STK32B: variants seen among roughly 807,000 people sequenced by gnomAD.
STK32B encodes the protein serine/threonine-protein kinase 32B.
Under a neutral mutation model 52.6 loss-of-function variants are expected in STK32B, and 43 were observed. That is an observed-to-expected ratio of 0.82 (90% CI 0.64 to 1.05). The LOEUF (loss-of-function observed/expected upper bound fraction) is 1.05, where lower values mean the gene tolerates loss of function less well. Ranked by LOEUF, STK32B falls within the 50% of genes least tolerant of loss-of-function variation. The pLI is 0.00. For missense variants in STK32B, 621 were observed against 534.6 expected (o/e 1.16, Z -1.59); for synonymous variants, 238 against 204.3 (o/e 1.17, Z -1.41).
intron 3 of STK32B, among the ~76,000 whole-genome samples, chr4:5,258,212 T>C (rs1726463268): frequency 1.3e-5 from 2 of 152,168 alleles, no homozygotes; most frequent in African/African-American, 2.4e-5. Context: ...TATAGTGATA[T>C]TGAGAAGTGA....
intron 3 of STK32B, among the ~76,000 whole-genome samples, chr4:5,282,649 A>G (rs969944697): frequency 1.3e-5 from 2 of 152,156 alleles, no homozygotes; most frequent in African/African-American, 4.8e-5. Context: ...TTTGGCTACT[A>G]TTGACCTACT....
At chr4:5,109,115 T>A (rs1434403942) in intron 1 of STK32B, among the ~76,000 whole-genome samples, 1 of 152,172 alleles carries the variant, frequency 6.6e-6, no homozygotes, top group Non-Finnish European at 1.5e-5. Context: ...ATCCAGAGCC[T>A]TGTCCAGCAA....
chr4:5,228,264 T>G (rs1724007382), intron 3 of STK32B, among the ~76,000 whole-genome samples: 1 of 152,124 alleles, frequency 6.6e-6, no homozygotes, highest in East Asian at 1.9e-4. Context: ...AAGACAAGAG[T>G]GAAATTCTAC....
chr4:5,342,691 C>T (rs1398786105), intron 4 of STK32B, among the ~76,000 whole-genome samples: 1 of 152,182 alleles, frequency 6.6e-6, no homozygotes, highest in Admixed American at 6.5e-5. Flanking sequence ...GGCAGGGATG[C>T]ACATCCAAAC....
intron 1 of STK32B, among the ~76,000 whole-genome samples, chr4:5,052,717 G>A (rs1741838545): frequency 6.6e-6 from 1 of 152,186 alleles, no homozygotes; most frequent in Admixed American, 6.5e-5. Context: ...TAATCCACGT[G>A]AAAAGTGCCT....
At chr4:5,140,395 A>T (rs1716348520) in intron 2 of STK32B, 2 of 957,456 alleles carry the variant, frequency 2.1e-6, no homozygotes, top group Non-Finnish European at 2.7e-6. Context: ...GAAAACAAAA[A>T]TACTCCCCCC....
intron 1 of STK32B, among the ~76,000 whole-genome samples, chr4:5,054,004 T>TAAATAAATAAATATAAATAAATATAA (rs1239033975): frequency 1.7e-4 from 16 of 91,898 alleles, no homozygotes; most frequent in Admixed American, 1.5e-3. Flanking sequence ...AATAAATAAA[T>TAAATAAATAAATATAAATAAATATAA]ATAAATAAAT....
rs1737503883 is a variant in STK32B, at chr4:5,404,272, TC to T, written c.472+6030del. On this transcript the variant is annotated intron_variant, in intron 5 of 11. Transcript: ENST00000282908. ...CTGAAGTGGGTGGGAAAGGCTCTTC[TC>T]CAGGGCCCTCTTCCAGCTCTGGCAG... Among the ~76,000 whole-genome samples, 6 of 152,104 alleles carry T rather than the reference TC, an allele frequency of 3.9e-5. No homozygotes were observed. In the South Asian group the frequency reaches 1.2e-3, roughly 32 times the overall value.
chr4:5,248,805 C>T (rs1487063055), intron 3 of STK32B, among the ~76,000 whole-genome samples: 1 of 152,056 alleles, frequency 6.6e-6, no homozygotes, highest in Non-Finnish European at 1.5e-5. Flanking sequence ...AAGCATAATT[C>T]TCAGCAAACT....
chr4:5,163,866 G>A (rs1079377), intron 2 of STK32B, among the ~76,000 whole-genome samples: 1 of 151,548 alleles, frequency 6.6e-6, no homozygotes. Context: ...GACACTTTGC[G>A]AGAGGCTAAG....
At chr4:5,055,992 C>T (rs768374002) in intron 1 of STK32B, among the ~76,000 whole-genome samples, 3 of 152,142 alleles carry the variant, frequency 2.0e-5, no homozygotes, top group Non-Finnish European at 2.9e-5. Context: ...CCCTGGGCCA[C>T]GGACTGTTAT....
Position 5,300,882 on chromosome 4 carries a change from C to G in STK32B, c.261-30338C>G, listed in dbSNP as rs191994107. 8.5e-5 allele frequency among the ~76,000 whole-genome samples: 13 copies of G among 152,184 alleles called. No homozygotes were observed. The East Asian group carries it at 2.3e-3, about 27-fold the overall frequency. ...TACTGCCCAAAGCTATTTGTAGATT[C>G]ATTGCAATTTCTATTAAATTACCCC... On this transcript the variant is annotated intron_variant, in intron 3 of 11. Transcript: ENST00000282908.
At chr4:5,316,915 GATATA>G (rs1730929392) in intron 3 of STK32B, among the ~76,000 whole-genome samples, 2 of 4,322 alleles carry the variant, frequency 4.6e-4, no homozygotes, top group Non-Finnish European at 5.9e-4. Flanking sequence ...TAATATATAT[GATATA>G]ATATATATAA....
At chr4:5,409,615 C>G (rs975335939) in intron 5 of STK32B, among the ~76,000 whole-genome samples, 1 of 152,142 alleles carries the variant, frequency 6.6e-6, no homozygotes, top group Non-Finnish European at 1.5e-5. Flanking sequence ...TCAGCTCAAA[C>G]TGGGGGCACA....
the STK32B span, among the ~76,000 whole-genome samples, chr4:5,021,032 G>T: frequency 6.6e-6 from 1 of 152,172 alleles, no homozygotes; most frequent in South Asian, 2.1e-4. Context: ...CAAAGATGCA[G>T]CCCACAGGGA....
intron 1 of STK32B, among the ~76,000 whole-genome samples, chr4:5,125,201 A>G (rs1331050514): frequency 7.7e-6 from 1 of 129,738 alleles, no homozygotes; most frequent in Admixed American, 7.6e-5. Flanking sequence ...AGCTTGGTCA[A>G]CACCTTGATG....
rs1720082532 is a variant in STK32B, at chr4:5,178,265, G to T, written c.260+9815G>T. Among the ~76,000 whole-genome samples the T allele has an allele frequency of 3.9e-5, 6 of 152,200 alleles. No individual in the cohort carries two copies. The South Asian group carries it at 1.2e-3, about 32-fold the overall frequency. ...CACATGTAAGCCACCAAGGCTTGGG[G>T]CTTGCACCCTCTGAAACAACAGCCT... On this transcript the variant is annotated intron_variant, in intron 3 of 11. Transcript: ENST00000282908.
chr4:5,279,684 T>C (rs996332394), intron 3 of STK32B, among the ~76,000 whole-genome samples: 2 of 152,196 alleles, frequency 1.3e-5, no homozygotes, highest in African/African-American at 2.4e-5. Context: ...AGGTTCTCCA[T>C]GAGGGCTCCG....
intron 1 of STK32B, among the ~76,000 whole-genome samples, chr4:5,131,932 G>T (rs1267489351): frequency 6.6e-6 from 1 of 151,420 alleles, no homozygotes; most frequent in Admixed American, 6.7e-5. Flanking sequence ...GGACTTTTTA[G>T]ATGAGATTAA....
Sources: allele counts gnomAD v4.1 joint callset (sites outside exome capture counted in the v4.1 genomes callset), GRCh38; gene constraint gnomAD v4.1.1; transcripts MANE v1.5; gene names NCBI Gene and HGNC (gene_info 2026-07-23, HGNC 2026-07-21).